The following EIF3A variants were observed in gnomAD, a reference collection of about 807,000 sequenced individuals.
EIF3A encodes the protein EIF3, p180 subunit.
A neutral mutation model predicts 186.6 loss-of-function variants in EIF3A; 21 were observed. The observed-to-expected ratio is 0.11, with a 90% CI of 0.08 to 0.16. EIF3A has a LOEUF of 0.16. EIF3A is among the 10% of genes least tolerant of loss of function. The probability of loss-of-function intolerance (pLI) is 1.00; values close to 1 mark genes in which losing one functional copy is unlikely to be tolerated. For synonymous variants in EIF3A, 563 were observed against 584.3 expected (o/e 0.96, Z 0.52); for missense variants, 1,306 against 1,796.3 (o/e 0.73, Z 4.93).
At chr10:119,053,239 T>C (rs1848382072) in intron 14 of EIF3A, among the ~76,000 whole-genome samples, 1 of 152,170 alleles carries the variant, frequency 6.6e-6, no homozygotes, top group African/African-American at 2.4e-5. Flanking sequence ...GCATAATTCT[T>C]AAGGACCCTA....
intron 6 of EIF3A, among the ~76,000 whole-genome samples, chr10:119,066,505 C>CAAAAAAAAAAAAA (rs71016533): frequency 2.1e-5 from 1 of 47,498 alleles, no homozygotes; most frequent in East Asian, 8.7e-4. Flanking sequence ...TTAAGACTGT[C>CAAAAAAAAAAAAA]AAAAAAAAAA....
chr10:119,078,230 T>TA (rs1589698859), intron 1 of EIF3A, among the ~76,000 whole-genome samples: 1 of 152,244 alleles, frequency 6.6e-6, no homozygotes, highest in East Asian at 1.9e-4. Context: ...ACTAATGATA[T>TA]AATATGAAAA....
At chr10:119,069,759 A>C in intron 5 of EIF3A, 105 bp from the exon 6 acceptor site, 1 of 662,064 alleles carries the variant, frequency 1.5e-6, no homozygotes, top group South Asian at 1.8e-5. Flanking sequence ...AAAATAGCAA[A>C]TAAAATACCT....
At chr10:119,036,310 T>C in intron 21 of EIF3A, 42 bp from the exon 22 acceptor site, 1 of 1,334,432 alleles carries the variant, frequency 7.5e-7, no homozygotes, top group Non-Finnish European at 1.0e-6. Context: ...GTTAGTACTA[T>C]ATTCTATTGG....
Position 119,059,587 on chromosome 10 carries a change from A to G in EIF3A, c.1443+15T>C, listed in dbSNP as rs990601193. The stretch of plus-strand genomic sequence containing the variant: ...CTCAAGGGCCTTCTCCTGTCTCCTT[A>G]CAGCACATACCTACCTGCAAGTCGC... On this transcript the variant is annotated intron_variant, in intron 10 of 21. Coordinates refer to ENST00000369144, the MANE Select transcript of EIF3A (RefSeq NM_003750.4). 2.5e-6 allele frequency: 4 copies of G among 1,593,474 alleles called. No homozygotes were observed. The highest frequency in any genetic ancestry group is 1.7e-6 in the Non-Finnish European group (2 of 1,161,298).
chr10:119,042,427 T>G lies in EIF3A; in HGVS notation c.3093A>C (p.Thr1031=). The stretch of plus-strand genomic sequence containing the variant: ...GTCTTGGTCCTCTGTCCTCATCAGC[T>G]GTTCGCCAGCTTCCTCTGTCCTCAT... ...GLDEDRGSWR[T]ADEDRGPRRG... is the part of the protein sequence containing the mutation. The change falls in exon 19 of 22, where the codon ACA becomes ACC. Residue 1031 remains threonine (T), a synonymous_variant. Transcript: ENST00000369144. This position sits in a 1 kb window ranked among gnomAD's most constrained non-coding sequence, Gnocchi z 7.8. The G allele has an allele frequency of 6.2e-7, 1 of 1,614,170 alleles. No homozygotes were observed. Among genetic ancestry groups the G allele is most frequent in the Non-Finnish European group, 8.5e-7 (1 of 1,180,014 alleles).
chr10:119,050,514 T>C lies in EIF3A; in HGVS notation c.2473+7A>G. 6.2e-7 allele frequency: 1 copy of C among 1,613,522 alleles called. No homozygotes were observed. Among genetic ancestry groups the C allele is most frequent in the Non-Finnish European group, 8.5e-7 (1 of 1,179,604 alleles). On this transcript the variant is annotated splice_region_variant and intron_variant, in intron 16 of 21. Transcript: ENST00000369144. ...AGCACCCCTCCAATCCTGTTTGACC[T>C]GTGTACCTTTTAGCATTTGTTCTTC...
At chr10:119,036,961 C>A (rs1485359120) in intron 21 of EIF3A, among the ~76,000 whole-genome samples, 158 bp downstream of exon 21, 2 of 151,872 alleles carry the variant, frequency 1.3e-5, no homozygotes, top group African/African-American at 4.8e-5. Context: ...ACAACATGAC[C>A]ATTGAGTAAC....
rs775946726 is a variant in EIF3A at position 119,073,810 on chromosome 10, C to T, written c.177G>A (p.Val59=). The T allele has an allele frequency of 6.2e-7, 1 of 1,613,744 alleles. No homozygotes were observed. ...PIMLKYLELC[V]DLRKSHLAKE... is the part of the protein sequence containing the mutation. The stretch of plus-strand genomic sequence containing the variant: ...TTGCCAAGTGGCTCTTGCGAAGATC[C>T]ACGCAAAGTTCCAAGTATTTCAACA... Residue 59 remains valine (V), a synonymous_variant, in exon 2 of 22, where the codon GTG becomes GTA. Coordinates refer to ENST00000369144, the MANE Select transcript of EIF3A (RefSeq NM_003750.4).
chr10:119,061,002 G>A (rs952110730), intron 8 of EIF3A, 158 bp from the exon 9 acceptor site: 20 of 601,194 alleles, frequency 3.3e-5, no homozygotes, highest in Non-Finnish European at 5.4e-5. Flanking sequence ...AAGGTGACTG[G>A]CAGCAATGGC....
intron 4 of EIF3A, 92 bp downstream of exon 4, chr10:119,072,798 A>G (rs1844099932): frequency 2.8e-6 from 4 of 1,442,080 alleles, no homozygotes; most frequent in Non-Finnish European, 3.7e-6. Flanking sequence ...TTCAATAAGG[A>G]TAAAAACTAG....
chr10:119,037,144 A>C lies in EIF3A; in HGVS notation c.3894T>G (p.Pro1298=). ...CTTCTTCACGTTCTGATCTGAGTGG[A>C]GGTCCTCTTCGGTCCCTGTCGTCTC... ...DLRDDRDRRG[P]PLRSEREEVS... The change falls in exon 21 of 22, where the codon CCT becomes CCG. Residue 1298 remains proline, a synonymous_variant. Transcript: ENST00000369144. 7.0e-7 allele frequency: 1 copy of C among 1,423,234 alleles called. No homozygotes were observed. Among genetic ancestry groups the C allele is most frequent in the Non-Finnish European group, 9.4e-7 (1 of 1,062,386 alleles). The allele number at this position is 1,423,234 out of a possible 1,614,324, so 88.2% of individuals were successfully genotyped here.
At chr10:119,037,659 C>A (rs529723576) in intron 20 of EIF3A, among the ~76,000 whole-genome samples, 3 of 152,144 alleles carry the variant, frequency 2.0e-5, no homozygotes, top group Admixed American at 6.5e-5. Flanking sequence ...AAAATTGCAT[C>A]GAACACTGCT....
intron 1 of EIF3A, among the ~76,000 whole-genome samples, chr10:119,078,333 T>C (rs1246998662): frequency 2.6e-5 from 4 of 152,248 alleles, no homozygotes; most frequent in African/African-American, 7.2e-5. Flanking sequence ...CTATAATTTT[T>C]CCCCCAAAAA....
At chr10:119,079,227 G>C (rs561841783) in intron 1 of EIF3A, among the ~76,000 whole-genome samples, 1 of 152,158 alleles carries the variant, frequency 6.6e-6, no homozygotes, top group Non-Finnish European at 1.5e-5. Context: ...TCACATCTAT[G>C]TTGTAGTTTC....
chr10:119,073,668 T>C (rs1346773922), intron 2 of EIF3A, 79 bp downstream of exon 2: 3 of 1,559,666 alleles, frequency 1.9e-6, no homozygotes, highest in Non-Finnish European at 2.6e-6. Context: ...AAATACAATA[T>C]ATTCACTTCG....
rs775840496 is a variant in EIF3A, at chr10:119,065,838, C to T, written c.951-268G>A. 3.9e-5 allele frequency among the ~76,000 whole-genome samples: 6 copies of T among 152,158 alleles called. No homozygotes were observed. In the South Asian group the frequency reaches 1.0e-3, roughly 26 times the overall value. ...GCTTCAGAAAAAGATTGTGATTGAC[C>T]AGGCGCGGTGGCTCACGCCTGTAAT... is the stretch of plus-strand genomic sequence containing the variant. On this transcript the variant is annotated intron_variant, in intron 6 of 21. Coordinates refer to ENST00000369144, the MANE Select transcript of EIF3A (RefSeq NM_003750.4).
chr10:119,069,284 A>C (rs1237962328), intron 6 of EIF3A, among the ~76,000 whole-genome samples, 162 bp downstream of exon 6: 2 of 152,230 alleles, frequency 1.3e-5, no homozygotes, highest in African/African-American at 4.8e-5. Context: ...CTAAACTGCT[A>C]AACCACCTGC....
At chr10:119,066,767 T>C (rs548931350) in intron 6 of EIF3A, among the ~76,000 whole-genome samples, 6 of 152,214 alleles carry the variant, frequency 3.9e-5, no homozygotes, top group Admixed American at 2.0e-4. Context: ...ACTGTGACCG[T>C]AGGCAAGATA....
Sources: gnomAD v4.1 joint callset for allele counts (sites outside exome capture counted in the v4.1 genomes callset) on GRCh38, gnomAD v4.1.1 for gene constraint, Gnocchi (gnomAD v3.1) non-coding constraint, MANE v1.5 for transcripts, NCBI Gene and HGNC (gene_info 2026-07-23, HGNC 2026-07-21) for gene names.